Variants in S100P observed in about 807,000 individuals in gnomAD.
S100P encodes the protein S100 calcium binding protein P, also known as protein S100-P.
S100P carries 7 observed loss-of-function variants against 4.7 expected under a neutral mutation model. The observed-to-expected ratio is 1.48, with a 90% confidence interval of 0.84 to 2.77. The LOEUF (loss-of-function observed/expected upper bound fraction) is 2.77. Among genes scored for constraint, S100P ranks in the 30% most tolerant of loss-of-function variants. S100P has a pLI of 0.00. For missense variants in S100P, 122 were observed against 120.6 expected (o/e 1.01, Z -0.06); for synonymous variants, 48 against 49.0 (o/e 0.98, Z 0.08).
Position 6,697,008 on chromosome 4 carries a change from G to A in S100P, c.254G>A (p.Cys85Tyr), listed in dbSNP as rs745693283. 1 of 1,613,714 alleles carries A rather than the reference G, an allele frequency of 6.2e-7. No individual in the cohort carries two copies. Among genetic ancestry groups the A allele is most frequent in the South Asian group, 1.1e-5 (1 of 91,034 alleles). Residue 85 changes from cysteine to tyrosine, a missense_variant, in exon 2 of 2, where the codon TGT becomes TAT. Cys to Tyr is a radical substitution (Grantham distance 194, BLOSUM62 -2). Coordinates refer to ENST00000296370, the MANE Select transcript of S100P (RefSeq NM_005980.3). Reference protein sequence around the residue: ...IVFVAAITSACHKYFEKAGLK With the variant: ...IVFVAAITSAYHKYFEKAGLK Reference sequence around the variant, plus strand: ...TTCGTGGCTGCAATCACGTCTGCCTGTCACAAGTACTTTGAGAAGGCAGGA... The same window carrying A: ...TTCGTGGCTGCAATCACGTCTGCCTATCACAAGTACTTTGAGAAGGCAGGA...
intron 1 of S100P, among the ~76,000 whole-genome samples, chr4:6,695,451 G>A (rs941533474): frequency 3.3e-4 from 50 of 152,282 alleles, no homozygotes; most frequent in South Asian, 8.3e-4. Context: ...TACATGCAAT[G>A]TAATTTCTTT....
intron 1 of S100P, among the ~76,000 whole-genome samples, chr4:6,695,246 G>A (rs897460996): frequency 3.3e-5 from 5 of 152,148 alleles, no homozygotes; most frequent in African/African-American, 4.8e-5. Flanking sequence ...GATTACAGGC[G>A]TGAGCCCCGA....
chr4:6,694,085 C>T lies in S100P; in HGVS notation c.138+15C>T, dbSNP rs779089634. On this transcript the variant is annotated intron_variant, in intron 1 of 1. Coordinates refer to ENST00000296370, the MANE Select transcript of S100P (RefSeq NM_005980.3). ...GCTTCCTGCAGGTGAGCCAGGCCGG[C>T]AGTGCTGGACTCAGCGGGGGCTGGG... 2 of 1,595,190 alleles carry T rather than the reference C, an allele frequency of 1.3e-6. No homozygotes were observed. The highest frequency in any genetic ancestry group is 1.7e-6 in the Non-Finnish European group (2 of 1,169,686).
In S100P at chr4:6,696,928, C is replaced by A; in HGVS notation, c.174C>A (p.Leu58=). 6.2e-7 allele frequency: 1 copy of A among 1,614,022 alleles called. No individual in the cohort carries two copies. Reference sequence around the variant, plus strand: ...ACAAGGATGCCGTGGATAAATTGCTCAAGGACCTGGACGCCAATGGAGATG... The same window carrying A: ...ACAAGGATGCCGTGGATAAATTGCTAAAGGACCTGGACGCCAATGGAGATG... ...GKDKDAVDKL[L]KDLDANGDAQ... is the part of the protein sequence containing the mutation. Residue 58 remains leucine (L), a synonymous_variant, in exon 2 of 2, where the codon CTC becomes CTA. Transcript: ENST00000296370.
chr4:6,695,394 C>T (rs889142948), intron 1 of S100P, among the ~76,000 whole-genome samples: 1 of 152,234 alleles, frequency 6.6e-6, no homozygotes, highest in Admixed American at 6.5e-5. Flanking sequence ...GACGCTTCCT[C>T]TCCCTTCCAG....
rs967018091 is a variant in S100P, at chr4:6,694,962, CTTTTCT to C, written c.138+897_138+902del. Among the ~76,000 whole-genome samples, 4 of 141,554 alleles carry C rather than the reference CTTTTCT, an allele frequency of 2.8e-5. No individual in the cohort carries two copies. In the East Asian group the frequency reaches 7.4e-4, roughly 26 times the overall value. 92.9% of individuals were successfully genotyped at this position (141,554 alleles called of 152,430 possible). A position where few individuals can be genotyped will look rare whatever the true frequency, so the allele number is the denominator to read the frequency against. On this transcript the variant is annotated intron_variant, in intron 1 of 1. Coordinates refer to ENST00000296370, the MANE Select transcript of S100P (RefSeq NM_005980.3). Reference sequence around the variant, plus strand: ...CAGAATATTGCTTCTATTTTCTTTTCTTTTCTTTTTTTTTTTTTTTGAGACAAGATG... The same window carrying C: ...CAGAATATTGCTTCTATTTTCTTTTCTTTTTTTTTTTTTTGAGACAAGATG...
intron 1 of S100P, among the ~76,000 whole-genome samples, chr4:6,696,662 G>A (rs1406805190): frequency 2.0e-5 from 3 of 152,218 alleles, no homozygotes; most frequent in South Asian, 2.1e-4. Context: ...ATTCCAATTC[G>A]CTCTAAAAAC....
At chr4:6,695,811 GGGCT>G (rs1714359771) in intron 1 of S100P, among the ~76,000 whole-genome samples, 1 of 83,758 alleles carries the variant, frequency 1.2e-5, no homozygotes, top group Admixed American at 1.3e-4. Flanking sequence ...GGGCAGGGCT[GGGCT>G]GGGCTGGCCT....
chr4:6,695,909 C>T (rs1282211030), intron 1 of S100P, among the ~76,000 whole-genome samples: 1 of 152,248 alleles, frequency 6.6e-6, no homozygotes, highest in Admixed American at 6.5e-5. Flanking sequence ...TGCCTACAAA[C>T]TTTGTAAACA....
chr4:6,694,843 C>T (rs1714329117), intron 1 of S100P, among the ~76,000 whole-genome samples: 1 of 152,178 alleles, frequency 6.6e-6, no homozygotes, highest in Admixed American at 6.5e-5. Context: ...ACTCTGCCTA[C>T]CTGCTAAGGG....
Position 6,697,169 on chromosome 4 carries a change from G to T in S100P, c.*127G>T. 2 of 726,100 alleles carry T rather than the reference G, an allele frequency of 2.8e-6. No homozygotes were observed. Among genetic ancestry groups the T allele is most frequent in the Non-Finnish European group, 4.5e-6 (2 of 446,546 alleles). 45.0% of individuals were successfully genotyped at this position (726,100 alleles called of 1,614,324 possible). A position where few individuals can be genotyped will look rare whatever the true frequency, so the allele number is the denominator to read the frequency against. On this transcript the variant is annotated 3_prime_UTR_variant, in exon 2 of 2. Transcript: ENST00000296370. Reference sequence around the variant, plus strand: ...TCTGATTAATAAATGCTTATGAAATGATCCTGGTCTCAGAGAAACTGGTTA... The same window carrying T: ...TCTGATTAATAAATGCTTATGAAATTATCCTGGTCTCAGAGAAACTGGTTA...
chr4:6,695,214 C>G (rs112230849), intron 1 of S100P, among the ~76,000 whole-genome samples: 1 of 152,168 alleles, frequency 6.6e-6, no homozygotes, highest in Non-Finnish European at 1.5e-5. Context: ...AATGCGTCAG[C>G]CTCGACATCT....
At position 6,693,991 on chromosome 4, in the gene S100P, G is replaced by C; in HGVS notation, c.59G>C (p.Gly20Ala). The change falls in exon 1 of 2, where the codon GGC becomes GCC. Residue 20 changes from glycine to alanine, a missense_variant. Transcript: ENST00000296370. Reference protein sequence around the residue: ...MIIDVFSRYSGSEGSTQTLTK... With the variant: ...MIIDVFSRYSASEGSTQTLTK... ...ATAGACGTCTTTTCCCGATATTCGG[G>C]CAGCGAGGGCAGCACGCAGACCCTG... 6.2e-7 allele frequency: 1 copy of C among 1,614,164 alleles called. No homozygotes were observed. Among genetic ancestry groups the C allele is most frequent in the Non-Finnish European group, 8.5e-7 (1 of 1,180,012 alleles).
chr4:6,695,774 C>CG (rs1013048931), intron 1 of S100P, among the ~76,000 whole-genome samples: 8 of 152,102 alleles, frequency 5.3e-5, no homozygotes, highest in African/African-American at 1.9e-4. Context: ...CCAGCAAAGC[C>CG]GGAGTCAGAG....
At chr4:6,695,506 T>C (rs1166572934) in intron 1 of S100P, among the ~76,000 whole-genome samples, 1 of 152,228 alleles carries the variant, frequency 6.6e-6, no homozygotes. Context: ...CTGATGTTCA[T>C]TAAACACCCC....
chr4:6,696,773 C>CTGGCCCTGAACCTGAA (rs1553813303), intron 1 of S100P, 120 bp from the exon 2 acceptor site: 1 of 857,874 alleles, frequency 1.2e-6, no homozygotes, highest in African/African-American at 1.7e-5. Flanking sequence ...GGCCCTGGCC[C>CTGGCCCTGAACCTGAA]TGACAGCAAA....
intron 1 of S100P, among the ~76,000 whole-genome samples, chr4:6,696,086 A>T (rs548534477): frequency 6.6e-6 from 1 of 152,126 alleles, no homozygotes. Context: ...ACCAATTTTA[A>T]TTGTGTTTCT....
intron 1 of S100P, among the ~76,000 whole-genome samples, chr4:6,694,928 G>A (rs953682812): frequency 6.6e-6 from 1 of 151,698 alleles, no homozygotes; most frequent in Non-Finnish European, 1.5e-5. Flanking sequence ...TCAAAGACAT[G>A]AAACACTTCA....
Position 6,694,058 on chromosome 4 carries a change from A to C in S100P, c.126A>C (p.Pro42=), listed in dbSNP as rs761417487. The change falls in exon 1 of 2, where the codon CCA becomes CCC. Residue 42 remains proline, a synonymous_variant. Transcript: ENST00000296370. ...ELKVLMEKEL[P]GFLQSGKDKD... is the part of the protein sequence containing the mutation. ...AGGTGCTGATGGAGAAGGAGCTACC[A>C]GGCTTCCTGCAGGTGAGCCAGGCCG... 9.9e-6 allele frequency: 16 copies of C among 1,611,254 alleles called. No individual in the cohort carries two copies. The Admixed American group carries it at 2.7e-4, about 27-fold the overall frequency.
Sources: gnomAD v4.1 joint callset for allele counts (sites outside exome capture counted in the v4.1 genomes callset) on GRCh38, gnomAD v4.1.1 for gene constraint, MANE v1.5 for transcripts, NCBI Gene and HGNC (gene_info 2026-07-23, HGNC 2026-07-21) for gene names.